The following NT5C2 variants were observed in gnomAD, a reference collection of about 807,000 sequenced individuals.
NT5C2 encodes cytosolic purine 5'-nucleotidase.
A neutral mutation model predicts 76.1 loss-of-function variants in NT5C2; 58 were observed. That is an observed-to-expected ratio of 0.76 (90% CI 0.62 to 0.95). NT5C2 has a LOEUF of 0.95. NT5C2 is among the 40% of genes least tolerant of loss of function. The pLI is 0.00. For missense variants in NT5C2, 478 were observed against 690.3 expected, an observed-to-expected ratio of 0.69 and a Z score of 3.45; for synonymous variants, 229 against 237.4, an observed-to-expected ratio of 0.96 and a Z score of 0.32.
intron 3 of NT5C2, among the ~76,000 whole-genome samples, chr10:103,163,864 A>C (rs1483951925): frequency 3.4e-5 from 4 of 116,006 alleles, no homozygotes; most frequent in South Asian, 2.6e-4. Context: ...AAAATACAAA[A>C]AAAAAACAAA....
intron 15 of NT5C2, among the ~76,000 whole-genome samples, chr10:103,091,885 C>T (rs377053424): frequency 1.3e-5 from 2 of 152,198 alleles, no homozygotes; most frequent in African/African-American, 4.8e-5. Flanking sequence ...TCCAGCTGCA[C>T]GCTCATTCTG....
chr10:103,179,687 G>A lies in NT5C2; in HGVS notation c.-25+1498C>T, dbSNP rs1252446596. On this transcript the variant is annotated intron_variant, in intron 2 of 18. Coordinates refer to ENST00000404739, the MANE Select transcript of NT5C2 (RefSeq NM_001351169.2). The stretch of plus-strand genomic sequence containing the variant: ...ACTGCACTTCAGCCTGGGTGACAGA[G>A]TGAGACCCAATCTCTAAACAAAAAA... Among the ~76,000 whole-genome samples, 6 of 152,148 alleles carry A rather than the reference G, an allele frequency of 3.9e-5. No homozygotes were observed. In the East Asian group the frequency reaches 9.6e-4, roughly 24 times the overall value.
intron 3 of NT5C2, chr10:103,153,147 A>C (rs183726550): frequency 4.7e-6 from 2 of 421,596 alleles, no homozygotes; most frequent in South Asian, 2.5e-5. Context: ...ATGAAACACT[A>C]TAAGATTTGG....
In NT5C2 at chr10:103,105,698, G is replaced by A; in HGVS notation, c.389+8C>T. 1.3e-6 allele frequency: 2 copies of A among 1,581,638 alleles called. No homozygotes were observed. The highest frequency in any genetic ancestry group is 1.7e-6 in the Non-Finnish European group (2 of 1,151,240). ...ATTAGAAAGAGGCTAAAGGTTCTCTGTACTCACCCCCTTATAAAGTTAAAT... is the reference window on the plus strand; with the variant it reads ...ATTAGAAAGAGGCTAAAGGTTCTCTATACTCACCCCCTTATAAAGTTAAAT... On this transcript the variant is annotated splice_region_variant and intron_variant, in intron 6 of 18. Transcript: ENST00000404739.
At chr10:103,164,162 T>C (rs376412062) in intron 3 of NT5C2, among the ~76,000 whole-genome samples, 3 of 152,124 alleles carry the variant, frequency 2.0e-5, no homozygotes, top group Non-Finnish European at 4.4e-5. Flanking sequence ...GGAGGATCAC[T>C]AGAGCCCAGG....
At chr10:103,090,865 A>G in intron 17 of NT5C2, 71 bp downstream of exon 17, 1 of 1,455,552 alleles carries the variant, frequency 6.9e-7, no homozygotes, top group Non-Finnish European at 9.5e-7. Flanking sequence ...TAGTCTCTAT[A>G]ATAAATCAGG....
chr10:103,147,628 T>A (rs2081704539), intron 3 of NT5C2, among the ~76,000 whole-genome samples: 1 of 152,376 alleles, frequency 6.6e-6, no homozygotes, highest in Admixed American at 6.5e-5. Flanking sequence ...ACTTACTATA[T>A]GTTGTCATAG....
At chr10:103,179,097 C>T (rs1046988521) in intron 2 of NT5C2, among the ~76,000 whole-genome samples, 1 of 151,598 alleles carries the variant, frequency 6.6e-6, no homozygotes, top group Non-Finnish European at 1.5e-5. Context: ...TACAGGCACG[C>T]ACCACCTTGC....
chr10:103,095,792 C>T (rs2068026154), intron 12 of NT5C2, 147 bp downstream of exon 12: 1 of 671,048 alleles, frequency 1.5e-6, no homozygotes, highest in African/African-American at 1.8e-5. Flanking sequence ...TGGATTACTT[C>T]TAATGTTAAT....
At chr10:103,179,173 T>G (rs996241962) in intron 2 of NT5C2, among the ~76,000 whole-genome samples, 3 of 151,824 alleles carry the variant, frequency 2.0e-5, no homozygotes, top group African/African-American at 4.8e-5. Flanking sequence ...GGTGCCAAAC[T>G]CCTGACCTCA....
chr10:103,101,446 A>G (rs977436665), intron 6 of NT5C2, 120 bp from the exon 7 acceptor site: 54 of 577,838 alleles, frequency 9.3e-5, no homozygotes, highest in East Asian at 3.7e-4. Context: ...AGAATTCCGA[A>G]TATTACGCAT....
At chr10:103,159,460 C>T (rs1240354419) in intron 3 of NT5C2, among the ~76,000 whole-genome samples, 3 of 151,988 alleles carry the variant, frequency 2.0e-5, no homozygotes, top group African/African-American at 7.2e-5. Context: ...GACTGGACAA[C>T]ATAGCAAGAC....
At position 103,088,984 on chromosome 10, in the gene NT5C2, G is replaced by C. The variant is rs895009915; in HGVS notation, c.*688C>G. The stretch of plus-strand genomic sequence containing the variant: ...TAGATTTATCACAGATAAGAAGGAG[G>C]TTGTTTTTGGATAACAAATAAGCAT... On this transcript the variant is annotated 3_prime_UTR_variant, in exon 19 of 19. Transcript: ENST00000404739. The C allele has an allele frequency of 4.8e-6, 1 of 209,118 alleles. No individual in the cohort carries two copies. The highest frequency in any genetic ancestry group is 9.7e-6 in the Non-Finnish European group (1 of 102,828). The allele number at this position is 209,118 out of a possible 1,614,324, so 13.0% of individuals were successfully genotyped here. A position where few individuals can be genotyped will look rare whatever the true frequency, so the allele number is the denominator to read the frequency against.
In NT5C2 at chr10:103,129,091, C is replaced by A. The variant is rs1235311975; in HGVS notation, c.175+10315G>T. ...GAGGGAGGTGGGGGGGTCAGCCCCC[C>A]ACCTGGCCAGCCGTGCCGTCCGGGA... On this transcript the variant is annotated intron_variant, in intron 4 of 18. Transcript: ENST00000404739. 3.1e-5 allele frequency among the ~76,000 whole-genome samples: 4 copies of A among 129,964 alleles called. 1 individual carries two copies. Among genetic ancestry groups the A allele is most frequent in the South Asian group, 5.4e-4 (2 of 3,704 alleles). The allele number at this position is 129,964 out of a possible 152,430, so 85.3% of individuals were successfully genotyped here. A position where few individuals can be genotyped will look rare whatever the true frequency, so the allele number is the denominator to read the frequency against.
At chr10:103,155,189 T>C (rs1451383654) in intron 3 of NT5C2, among the ~76,000 whole-genome samples, 1 of 152,178 alleles carries the variant, frequency 6.6e-6, no homozygotes, top group African/African-American at 2.4e-5. Flanking sequence ...AGAAGGTCCA[T>C]TCAAAAGTAG....
intron 1 of NT5C2, among the ~76,000 whole-genome samples, chr10:103,192,202 G>T (rs1591987608): frequency 6.6e-6 from 1 of 152,060 alleles, no homozygotes; most frequent in South Asian, 2.1e-4. Context: ...TTGAAGAGGC[G>T]AAATGAATAG....
chr10:103,145,009 T>A (rs1360807365), intron 3 of NT5C2, among the ~76,000 whole-genome samples: 1 of 152,194 alleles, frequency 6.6e-6, no homozygotes, highest in Non-Finnish European at 1.5e-5. Flanking sequence ...CATCTTTCCT[T>A]TTCTTTCCCT....
At chr10:103,166,917 T>C (rs1283371994) in intron 3 of NT5C2, among the ~76,000 whole-genome samples, 1 of 152,192 alleles carries the variant, frequency 6.6e-6, no homozygotes, top group African/African-American at 2.4e-5. Flanking sequence ...TCTCTCAAAG[T>C]GCTAGTATTA....
intron 4 of NT5C2, among the ~76,000 whole-genome samples, chr10:103,122,920 G>A (rs1428922207): frequency 1.3e-5 from 2 of 152,030 alleles, no homozygotes; most frequent in South Asian, 2.1e-4. Flanking sequence ...AAAACACACA[G>A]GTTTACTCAT....
Sources: gnomAD v4.1 joint callset for allele counts (sites outside exome capture counted in the v4.1 genomes callset) on GRCh38, gnomAD v4.1.1 for gene constraint, MANE v1.5 for transcripts, NCBI Gene and HGNC (gene_info 2026-07-23, HGNC 2026-07-21) for gene names.